Variants in MYNN observed in about 807,000 individuals in gnomAD.
The protein encoded by MYNN is zinc finger and BTB domain-containing protein 31.
MYNN carries 22 observed loss-of-function variants against 57.2 expected under a neutral mutation model. That is an observed-to-expected ratio of 0.38 (90% CI 0.27 to 0.55). The LOEUF is 0.55. MYNN is among the 20% of genes least tolerant of loss of function. The pLI is 0.71. For synonymous variants in MYNN, 241 were observed against 257.1 expected (o/e 0.94, Z 0.60); for missense variants, 566 against 723.1 (o/e 0.78, Z 2.49).
intron 7 of MYNN, among the ~76,000 whole-genome samples, chr3:169,785,320 C>T (rs1778646024): frequency 6.6e-6 from 1 of 151,878 alleles, no homozygotes; most frequent in Non-Finnish European, 1.5e-5. Flanking sequence ...AAGTTAGAAA[C>T]ATCTAAAAAC....
chr3:169,785,078 G>A (rs976928661), intron 7 of MYNN, among the ~76,000 whole-genome samples: 1 of 147,288 alleles, frequency 6.8e-6, no homozygotes, highest in Non-Finnish European at 1.5e-5. Context: ...AAAGGGGGGG[G>A]GGGTGGTGTT....
At chr3:169,784,582 T>G in intron 6 of MYNN, 40 bp from the exon 7 acceptor site, 1 of 1,338,202 alleles carries the variant, frequency 7.5e-7, no homozygotes, top group Non-Finnish European at 1.0e-6. Context: ...GCTAGCAGCT[T>G]TTAAAATATT....
chr3:169,781,474 A>G (rs1333995997), intron 4 of MYNN, among the ~76,000 whole-genome samples: 1 of 152,216 alleles, frequency 6.6e-6, no homozygotes, highest in Non-Finnish European at 1.5e-5. Flanking sequence ...TCAGCATATG[A>G]CAGTATTTAA....
chr3:169,775,559 G>C, intron 2 of MYNN, among the ~76,000 whole-genome samples: 1 of 152,150 alleles, frequency 6.6e-6, no homozygotes, highest in East Asian at 1.9e-4. Flanking sequence ...GTCAAAATGA[G>C]ATGGTAATAA....
In MYNN at chr3:169,778,987, G is replaced by T; in HGVS notation, c.486G>T (p.Leu162Phe). Residue 162 changes from leucine (L) to phenylalanine (F), a missense_variant, in exon 3 of 8, where the codon TTG (leucine) becomes TTT (phenylalanine). This residue lies in a region of MYNN where 261 missense variants were observed against 280.8 expected (regional missense o/e 0.93). Coordinates refer to ENST00000349841, the MANE Select transcript of MYNN (RefSeq NM_018657.5). ...NREKSEVSTD[L>F]IQANPKQGAL... ...AGAAATCAGAAGTATCTACAGATTTGATTCAGGCAAATCCTAAACAAGGCG... is the reference window on the plus strand; with the variant it reads ...AGAAATCAGAAGTATCTACAGATTTTATTCAGGCAAATCCTAAACAAGGCG... 1.2e-6 allele frequency: 2 copies of T among 1,613,702 alleles called. No homozygotes were observed. The highest frequency in any genetic ancestry group is 2.2e-5 in the South Asian group (2 of 91,052).
rs1023642617 is a variant in MYNN, at chr3:169,788,861, T to C, written c.*2183T>C. Reference sequence around the variant, plus strand: ...TTCTTTGGCATTCTTCTCTTAATGCTATGCTATTATTTATCATAATATGCA... The same window carrying C: ...TTCTTTGGCATTCTTCTCTTAATGCCATGCTATTATTTATCATAATATGCA... On this transcript the variant is annotated 3_prime_UTR_variant, in exon 8 of 8. Transcript: ENST00000349841. 1.3e-5 allele frequency: 2 copies of C among 152,206 alleles called. No individual in the cohort carries two copies. The highest frequency in any genetic ancestry group is 6.5e-5 in the Admixed American group (1 of 15,286). 9.4% of individuals were successfully genotyped at this position (152,206 alleles called of 1,614,324 possible).
chr3:169,786,534 A>G lies in MYNN; in HGVS notation c.1689A>G (p.Pro563=), dbSNP rs777190041. The change falls in exon 8 of 8, where the codon CCA becomes CCG. Residue 563 remains proline (P), a synonymous_variant. Transcript: ENST00000349841. ...TGAAGCCTTCTGATATGACTTTACC[A>G]TTAGCTCTTCCACTTGGGACTGAGG... is the stretch of plus-strand genomic sequence containing the variant. ...MDVKPSDMTL[P]LALPLGTEDH... is the part of the protein sequence containing the mutation. The G allele has an allele frequency of 2.6e-5, 42 of 1,613,650 alleles. No homozygotes were observed. The highest frequency in any genetic ancestry group is 8.3e-5 in the Admixed American group (5 of 59,978).
chr3:169,783,602 A>C, intron 6 of MYNN, 42 bp downstream of exon 6: 1 of 1,394,874 alleles, frequency 7.2e-7, no homozygotes, highest in South Asian at 1.2e-5. Flanking sequence ...GTTCTCTCTT[A>C]ATTTCTTTTT....
Position 169,778,868 on chromosome 3 carries a change from A to G in MYNN, c.367A>G (p.Asn123Asp), listed in dbSNP as rs1778427709. The change falls in exon 3 of 8, where the codon AAT (asparagine) becomes GAT (aspartate). Residue 123 changes from asparagine to aspartate, a missense_variant. Asn to Asp is a conservative substitution (Grantham distance 23, BLOSUM62 1). Coordinates refer to ENST00000349841, the MANE Select transcript of MYNN (RefSeq NM_018657.5). ...GATGGAAGATTTTGCTTTTATTGCT[A>G]ATCCTTCTTCTACAGAGATATCTAG... ...IKMEDFAFIA[N>D]PSSTEISSIT... is the part of the protein sequence containing the mutation. 1 of 1,613,856 alleles carries G rather than the reference A, an allele frequency of 6.2e-7. No individual in the cohort carries two copies. The highest frequency in any genetic ancestry group is 1.7e-5 in the Admixed American group (1 of 59,964).
chr3:169,778,823 G>T lies in MYNN; in HGVS notation c.322G>T (p.Val108Phe). 1 of 1,612,246 alleles carries T rather than the reference G, an allele frequency of 6.2e-7. No homozygotes were observed. Among genetic ancestry groups the T allele is most frequent in the Non-Finnish European group, 8.5e-7 (1 of 1,179,422 alleles). The change falls in exon 3 of 8, where the codon GTC (valine) becomes TTC (phenylalanine). Residue 108 changes from valine to phenylalanine, a missense_variant. Val to Phe is a conservative substitution (Grantham distance 50). Around this residue, in one of 4 missense-constraint regions of MYNN, gnomAD observed 261 missense variants for 280.8 expected, o/e 0.93. Transcript: ENST00000349841. ...TGACTATCTCAAAGTGGAAGAGGTG[G>T]TCACTAAATGCAAAATAAAGATGGA... is the stretch of plus-strand genomic sequence containing the variant. The part of the protein sequence containing the change: ...AADYLKVEEV[V>F]TKCKIKMEDF...
At chr3:169,786,211 A>G (rs1357894312) in intron 7 of MYNN, among the ~76,000 whole-genome samples, 2 of 152,020 alleles carry the variant, frequency 1.3e-5, no homozygotes, top group Non-Finnish European at 2.9e-5. Flanking sequence ...ATTTTTTTAA[A>G]TGGAGTTGGT....
At chr3:169,773,963 C>T (rs1395651419) in intron 1 of MYNN, 3 of 283,388 alleles carry the variant, frequency 1.1e-5, no homozygotes, top group Non-Finnish European at 2.0e-5. Flanking sequence ...ATAAGTATGT[C>T]TACTGAGCTT....
At chr3:169,780,880 A>G (rs1315281272) in intron 4 of MYNN, 131 bp downstream of exon 4, 10 of 774,960 alleles carry the variant, frequency 1.3e-5, no homozygotes, top group Non-Finnish European at 1.9e-5. Context: ...TAACACGTTC[A>G]AGGAACCACA....
intron 5 of MYNN, 131 bp from the exon 6 acceptor site, chr3:169,783,346 C>T (rs887166660): frequency 2.2e-5 from 12 of 539,976 alleles, no homozygotes; most frequent in Non-Finnish European, 3.3e-5. Flanking sequence ...ACTGAAAATA[C>T]CTCTAAAGTA....
intron 7 of MYNN, among the ~76,000 whole-genome samples, chr3:169,785,073 G>GT (rs1345643503): frequency 6.8e-6 from 1 of 146,762 alleles, no homozygotes; most frequent in East Asian, 2.1e-4. Flanking sequence ...AAAAAAAAGG[G>GT]GGGGGGGGTG....
chr3:169,786,938 G>A lies in MYNN; in HGVS notation c.*260G>A, dbSNP rs1213431139. The A allele has an allele frequency of 8.8e-6, 3 of 340,144 alleles. No homozygotes were observed. In the Admixed American group the frequency reaches 1.3e-4, roughly 14 times the overall value. 21.1% of individuals were successfully genotyped at this position (340,144 alleles called of 1,614,324 possible). Reference sequence around the variant, plus strand: ...TGGATGAGTTTTATTTTCTTTTAAAGCTGCCTTAATTCCATTTTTATTTTG... The same window carrying A: ...TGGATGAGTTTTATTTTCTTTTAAAACTGCCTTAATTCCATTTTTATTTTG... On this transcript the variant is annotated 3_prime_UTR_variant, in exon 8 of 8. Transcript: ENST00000349841.
At chr3:169,778,699 T>C in intron 2 of MYNN, 69 bp from the exon 3 acceptor site, 1 of 1,202,322 alleles carries the variant, frequency 8.3e-7, no homozygotes, top group East Asian at 2.3e-5. Flanking sequence ...CATTGAAGTA[T>C]ATATGCAGCT....
intron 2 of MYNN, among the ~76,000 whole-genome samples, chr3:169,775,224 T>A (rs187991985): frequency 1.5e-3 from 224 of 152,302 alleles, no homozygotes; most frequent in African/African-American, 5.2e-3. Flanking sequence ...TGCTTACTGA[T>A]GTCACTGCAT....
intron 4 of MYNN, among the ~76,000 whole-genome samples, chr3:169,781,815 T>C (rs1778526331): frequency 1.3e-5 from 2 of 151,618 alleles, no homozygotes; most frequent in Non-Finnish European, 2.9e-5. Flanking sequence ...AGAGAAGAAA[T>C]GGAAGTAGAT....
Sources: gnomAD v4.1 joint callset for allele counts (sites outside exome capture counted in the v4.1 genomes callset) on GRCh38, gnomAD v4.1.1 for gene constraint, gnomAD v4.1.1 regional missense constraint, MANE v1.5 for transcripts, NCBI Gene and HGNC (gene_info 2026-07-23, HGNC 2026-07-21) for gene names.